Variants in NRXN3 observed in about 807,000 individuals in gnomAD.
NRXN3 encodes the protein neurexin 3, also known as neurexin III.
In NRXN3, 32 loss-of-function variants were observed where a neutral mutation model predicts 137.6. The ratio of observed to expected loss-of-function variants is 0.23; its 90% CI spans 0.18 to 0.31. NRXN3 has a LOEUF of 0.31. Among genes scored for constraint, NRXN3 ranks in the 10% least tolerant of loss-of-function variants. The pLI, the probability that NRXN3 is intolerant of heterozygous loss-of-function variation, is 1.00. For missense variants in NRXN3, 1,574 were observed against 2,062.5 expected, an observed-to-expected ratio of 0.76 and a Z score of 4.59; for synonymous variants, 798 against 784.5, an observed-to-expected ratio of 1.02 and a Z score of -0.29.
intron 15 of NRXN3, among the ~76,000 whole-genome samples, chr14:79,172,164 T>G (rs905621180): frequency 1.3e-5 from 2 of 149,286 alleles, no homozygotes; most frequent in African/African-American, 2.4e-5. Context: ...TGGGGGAAAT[T>G]GCTATAAAGA....
chr14:79,612,728 G>T (rs1469850450), intron 16 of NRXN3, among the ~76,000 whole-genome samples: 2 of 152,166 alleles, frequency 1.3e-5, no homozygotes, highest in African/African-American at 4.8e-5. Context: ...GCACATGCCT[G>T]TAGTCCCAGC....
rs1195590846 is a variant in NRXN3 at position 79,785,104 on chromosome 14, C to T, written c.4015-20008C>T. 3.3e-5 allele frequency among the ~76,000 whole-genome samples: 5 copies of T among 152,108 alleles called. No individual in the cohort carries two copies. In the East Asian group the frequency reaches 5.8e-4, roughly 18 times the overall value. ...TCTCTGAAGTGTATGCAGTAATGGC[C>T]TCATTCGGCTGAGATTTCCCAGCAG... On this transcript the variant is annotated intron_variant, in intron 19 of 20. Transcript: ENST00000335750.
intron 4 of NRXN3, among the ~76,000 whole-genome samples, chr14:78,413,173 G>A (rs1015370539): frequency 6.6e-6 from 1 of 152,190 alleles, no homozygotes; most frequent in Admixed American, 6.5e-5. Flanking sequence ...CAGGGCCAGG[G>A]AAGCTAAGCA....
At chr14:78,428,501 T>G (rs956011864) in intron 4 of NRXN3, among the ~76,000 whole-genome samples, 2 of 152,138 alleles carry the variant, frequency 1.3e-5, no homozygotes, top group Non-Finnish European at 2.9e-5. Flanking sequence ...ATAGGATGTG[T>G]ATGTATAATA....
chr14:78,784,605 T>A (rs2098782664), intron 8 of NRXN3, among the ~76,000 whole-genome samples: 1 of 152,186 alleles, frequency 6.6e-6, no homozygotes, highest in Non-Finnish European at 1.5e-5. Context: ...TTATTCCCAG[T>A]GCATTAGGAA....
chr14:78,570,674 T>C (rs559260263), intron 4 of NRXN3, among the ~76,000 whole-genome samples: 7 of 152,286 alleles, frequency 4.6e-5, no homozygotes, highest in African/African-American at 1.7e-4. Flanking sequence ...AAGGGCTATG[T>C]TGAGTGTGAG....
intron 15 of NRXN3, among the ~76,000 whole-genome samples, chr14:79,257,901 T>A (rs968588084): frequency 3.9e-5 from 6 of 152,024 alleles, no homozygotes; most frequent in Non-Finnish European, 7.4e-5. Context: ...GGAAAATGAT[T>A]CTTATTCAAT....
At chr14:79,232,585 C>T (rs1157859720) in intron 15 of NRXN3, among the ~76,000 whole-genome samples, 1 of 152,110 alleles carries the variant, frequency 6.6e-6, no homozygotes, top group African/African-American at 2.4e-5. Context: ...ACAGGTTGCT[C>T]ACTTTTAGCG....
At chr14:79,680,455 G>C (rs2098664451) in intron 17 of NRXN3, among the ~76,000 whole-genome samples, 1 of 151,830 alleles carries the variant, frequency 6.6e-6, no homozygotes, top group Non-Finnish European at 1.5e-5. Flanking sequence ...GTGTGTGTGT[G>C]TGTGTATGTG....
chr14:78,865,480 C>T (rs1007064360), intron 10 of NRXN3, among the ~76,000 whole-genome samples: 1 of 152,130 alleles, frequency 6.6e-6, no homozygotes, highest in African/African-American at 2.4e-5. Flanking sequence ...GCTATGCATA[C>T]TGAAATGAAC....
At chr14:79,490,257 G>C (rs190782113) in intron 16 of NRXN3, among the ~76,000 whole-genome samples, 1 of 152,136 alleles carries the variant, frequency 6.6e-6, no homozygotes, top group African/African-American at 2.4e-5. Flanking sequence ...CAGTTTGGAG[G>C]TTCCTCAAAA....
chr14:78,709,083 C>T, intron 6 of NRXN3, 134 bp from the exon 7 acceptor site: 3 of 724,178 alleles, frequency 4.1e-6, no homozygotes, highest in Non-Finnish European at 6.7e-6. Context: ...TCCTGTGTCT[C>T]ATTGTTTCTC....
intron 15 of NRXN3, among the ~76,000 whole-genome samples, chr14:79,402,646 A>G (rs1009346252): frequency 6.6e-5 from 10 of 152,170 alleles, no homozygotes; most frequent in African/African-American, 2.2e-4. Context: ...ACCTCATTCA[A>G]TTTTTTAAAA....
At chr14:78,181,576 G>T (rs2059810531) in intron 1 of NRXN3, among the ~76,000 whole-genome samples, 1 of 152,158 alleles carries the variant, frequency 6.6e-6, no homozygotes, top group Non-Finnish European at 1.5e-5. Context: ...TGCCTTGTGT[G>T]TGGGCAGCCC....
intron 4 of NRXN3, among the ~76,000 whole-genome samples, chr14:78,488,414 T>C (rs1247625328): frequency 1.3e-5 from 2 of 152,214 alleles, no homozygotes; most frequent in East Asian, 1.9e-4. Flanking sequence ...TGCTCTGCAA[T>C]TCTAGAGATT....
intron 1 of NRXN3, among the ~76,000 whole-genome samples, chr14:78,214,644 G>T (rs1039856833): frequency 6.6e-6 from 1 of 152,166 alleles, no homozygotes; most frequent in South Asian, 2.1e-4. Context: ...AAGAAAATAA[G>T]TGTTGAAACA....
At chr14:79,729,401 C>T (rs1447750538) in intron 19 of NRXN3, among the ~76,000 whole-genome samples, 1 of 152,050 alleles carries the variant, frequency 6.6e-6, no homozygotes, top group Non-Finnish European at 1.5e-5. Flanking sequence ...CACCTGTCTG[C>T]AAAACAGGTG....
At chr14:79,368,516 A>ATGCT (rs1361837216) in intron 15 of NRXN3, among the ~76,000 whole-genome samples, 2 of 152,242 alleles carry the variant, frequency 1.3e-5, no homozygotes, top group Non-Finnish European at 2.9e-5. Context: ...TGTACAAAGC[A>ATGCT]TGCTGTTCTG....
At chr14:78,421,375 T>A (rs2093439090) in intron 4 of NRXN3, among the ~76,000 whole-genome samples, 1 of 152,136 alleles carries the variant, frequency 6.6e-6, no homozygotes, top group African/African-American at 2.4e-5. Context: ...AGCGACCAGT[T>A]AAAAATATTC....
Sources: gnomAD v4.1 joint callset for allele counts (sites outside exome capture counted in the v4.1 genomes callset) on GRCh38, gnomAD v4.1.1 for gene constraint, MANE v1.5 for transcripts, NCBI Gene and HGNC (gene_info 2026-07-23, HGNC 2026-07-21) for gene names.